PLEC: variants seen among roughly 807,000 people sequenced by gnomAD.
PLEC encodes hemidesmosomal protein 1.
PLEC carries 216 observed loss-of-function variants against 392.8 expected under a neutral mutation model. The observed-to-expected ratio is 0.55, with a 90% CI of 0.49 to 0.62. The LOEUF (loss-of-function observed/expected upper bound fraction) is 0.62, where lower values mean the gene tolerates loss of function less well. Among genes scored for constraint, PLEC ranks in the 20% least tolerant of loss-of-function variants. The pLI is 0.00. For missense variants in PLEC, 6,863 were observed against 6,563.4 expected (o/e 1.05, Z -1.58); for synonymous variants, 3,621 against 2,980.6 (o/e 1.21, Z -7.00).
exon 1 of PLEC, chr8:143,950,290 G>A (rs1199019389): frequency 1.9e-6 from 3 of 1,570,970 alleles, no homozygotes; most frequent in Non-Finnish European, 1.7e-6. Context: ...TCCGACGGTA[G>A]ACCCGCTGCT....
Position 143,934,628 on chromosome 8 carries a change from C to A in PLEC, c.1041+7G>T, listed in dbSNP as rs1554721061. 2 of 1,612,624 alleles carry A rather than the reference C, an allele frequency of 1.2e-6. No individual in the cohort carries two copies. The highest frequency in any genetic ancestry group is 2.2e-5 in the East Asian group (1 of 44,874). On this transcript the variant is annotated splice_region_variant and intron_variant, in intron 10 of 31. Transcript: ENST00000345136. Reference sequence around the variant, plus strand: ...ACACCACCCACCCCTCCAGCGGTCCCACTCACCTCCAGGGATTGGTAGATG... The same window carrying A: ...ACACCACCCACCCCTCCAGCGGTCCAACTCACCTCCAGGGATTGGTAGATG...
At chr8:143,952,249 C>T (rs1228393420), upstream of PLEC, among the ~76,000 whole-genome samples, 3 of 152,180 alleles carry the variant, frequency 2.0e-5, no homozygotes, top group Admixed American at 6.5e-5. Context: ...CCTGCGTACA[C>T]AGAGGTGTGG....
chr8:143,931,902 C>G (rs1362461947), intron 18 of PLEC, 35 bp downstream of exon 18: 1 of 1,567,544 alleles, frequency 6.4e-7, no homozygotes, highest in Admixed American at 1.8e-5. Flanking sequence ...AAGGCTGCCG[C>G]TGAGCCACAG....
At chr8:143,925,954 G>A (rs1306806009) in intron 30 of PLEC, 70 bp from the exon 31 acceptor site, 17 of 1,454,608 alleles carry the variant, frequency 1.2e-5, no homozygotes, top group East Asian at 2.5e-5. Context: ...GACGGGGCAC[G>A]CACCGGCACA....
Position 143,935,923 on chromosome 8 carries a change from T to C in PLEC, c.527A>G (p.Gln176Arg). Residue 176 changes from glutamine to arginine, a missense_variant, in exon 6 of 32, where the codon CAG becomes CGG. Physicochemically the swap from Gln to Arg is conservative, Grantham distance 43. Coordinates refer to ENST00000345136, the MANE Select transcript of PLEC (RefSeq NM_201384.3). The part of the protein sequence containing the change: ...LWSQRMVEGY[Q>R]GLRCDNFTSS... ...GGTGAAGTTGTCGCATCGCAGGCCCTGGTACCCCTCCACCATTCGCTGCGA... is the reference window on the plus strand; with the variant it reads ...GGTGAAGTTGTCGCATCGCAGGCCCCGGTACCCCTCCACCATTCGCTGCGA... 1 of 1,612,952 alleles carries C rather than the reference T, an allele frequency of 6.2e-7. No homozygotes were observed. The highest frequency in any genetic ancestry group is 1.1e-5 in the South Asian group (1 of 91,084).
At chr8:143,966,367 C>T (rs1049585111) in intron 1 of PLEC, among the ~76,000 whole-genome samples, 1 of 152,210 alleles carries the variant, frequency 6.6e-6, no homozygotes, top group Non-Finnish European at 1.5e-5. Flanking sequence ...CCAGCATTTC[C>T]TGCACCTCAG....
In PLEC at chr8:143,921,968, G is replaced by A. The variant is rs1410056401; in HGVS notation, c.7853C>T (p.Ser2618Leu). The A allele has an allele frequency of 1.8e-5, 28 of 1,598,708 alleles. No individual in the cohort carries two copies. Among genetic ancestry groups the A allele is most frequent in the South Asian group, 5.5e-5 (5 of 91,042 alleles). ...ALAHSEEVTA[S>L]QVAATKTLPN... is the part of the protein sequence containing the mutation. The stretch of plus-strand genomic sequence containing the variant: ...CAGGGTCTTTGTGGCAGCCACCTGC[G>A]AGGCAGTGACCTCCTCTGAGTGCGC... The change falls in exon 32 of 32, where the codon TCG (serine) becomes TTG (leucine). Residue 2618 changes from serine to leucine, a missense_variant. By Grantham distance (145) the Ser-to-Leu change is moderately radical. Coordinates refer to ENST00000345136, the MANE Select transcript of PLEC (RefSeq NM_201384.3).
exon 1 of PLEC, chr8:143,950,831 C>T (rs930046768): frequency 2.7e-6 from 4 of 1,486,094 alleles, no homozygotes; most frequent in South Asian, 2.6e-5. Flanking sequence ...GCAGGGCAGG[C>T]GGGCGGGCAG....
chr8:143,927,092 G>A lies in PLEC; in HGVS notation c.3841-11C>T. On this transcript the variant is annotated splice_polypyrimidine_tract_variant and intron_variant, in intron 28 of 31. Transcript: ENST00000345136. ...CTGGAGTTCATAGTCCTGTGGCAATGCACTGCGGTCAGCCACCAGCTCTGC... is the reference window on the plus strand; with the variant it reads ...CTGGAGTTCATAGTCCTGTGGCAATACACTGCGGTCAGCCACCAGCTCTGC... 1 of 1,605,030 alleles carries A rather than the reference G, an allele frequency of 6.2e-7. No homozygotes were observed. Among genetic ancestry groups the A allele is most frequent in the Non-Finnish European group, 8.5e-7 (1 of 1,175,664 alleles).
At position 143,939,565 on chromosome 8, in the gene PLEC, C is replaced by G. The variant is rs551294541; in HGVS notation, c.-104G>C. 1 of 1,528,240 alleles carries G rather than the reference C, an allele frequency of 6.5e-7. No individual in the cohort carries two copies. Among genetic ancestry groups the G allele is most frequent in the Non-Finnish European group, 8.8e-7 (1 of 1,140,250 alleles). The allele number at this position is 1,528,240 out of a possible 1,614,324, so 94.7% of individuals were successfully genotyped here. On this transcript the variant is annotated 5_prime_UTR_variant, in exon 1 of 32. Transcript: ENST00000345136. ...GCTGAAGGCTGGCGGCCCCACGAGA[C>G]GCTCACTCGGCACAGGCTCAGCTCA... is the stretch of plus-strand genomic sequence containing the variant.
At position 143,923,280 on chromosome 8, in the gene PLEC, T is replaced by TGGCCTCCGC. The variant is rs1554691777; in HGVS notation, c.6640_6648dup (p.Ala2214_Ala2216dup). On this transcript the variant is annotated inframe_insertion, in exon 31 of 32. Coordinates refer to ENST00000345136, the MANE Select transcript of PLEC (RefSeq NM_201384.3). Reference sequence around the variant, plus strand: ...TGGCTGCGCTGGCGTGCGGCCTCCGTGGCCTCCGCCTTCAGCCGCTGCAGC... The same window carrying TGGCCTCCGC: ...TGGCTGCGCTGGCGTGCGGCCTCCGTGGCCTCCGCGGCCTCCGCCTTCAGCCGCTGCAGC... 1.2e-6 allele frequency: 2 copies of TGGCCTCCGC among 1,607,188 alleles called. No individual in the cohort carries two copies. The highest frequency in any genetic ancestry group is 1.7e-6 in the Non-Finnish European group (2 of 1,179,648).
rs782107862 is a variant in PLEC at position 143,938,159 on chromosome 8, C to T, written c.256G>A (p.Asp86Asn). ...GGCAGGGGCACACGTACCAGGCTGT[C>T]CCCCGAGAGGACCTCCAGCAGGGAG... is the stretch of plus-strand genomic sequence containing the variant. ...LISLLEVLSG[D>N]SLPREKGRMR... The change falls in exon 3 of 32, where the codon GAC becomes AAC. Residue 86 changes from aspartate (D) to asparagine (N), a missense_variant. Asp to Asn is a conservative substitution (Grantham distance 23, BLOSUM62 1). Transcript: ENST00000345136. The T allele has an allele frequency of 8.7e-6, 14 of 1,604,778 alleles. No individual in the cohort carries two copies. The East Asian group carries it at 2.5e-4, about 28-fold the overall frequency.
chr8:143,916,699 C>T lies in PLEC; in HGVS notation c.13122G>A (p.Leu4374=). 6.2e-7 allele frequency: 1 copy of T among 1,612,680 alleles called. No homozygotes were observed. Among genetic ancestry groups the T allele is most frequent in the South Asian group, 1.1e-5 (1 of 91,076 alleles). The stretch of plus-strand genomic sequence containing the variant: ...CCTCGTAGTAGAGCCAGCCCTTCTT[C>T]AGGGCCTGGGCGGCCGACATCTTGG... ...TKTKMSAAQA[L]KKGWLYYEAG... is the part of the protein sequence containing the mutation. Residue 4374 remains leucine, a synonymous_variant, in exon 32 of 32, where the codon CTG becomes CTA. Coordinates refer to ENST00000345136, the MANE Select transcript of PLEC (RefSeq NM_201384.3).
At position 143,925,538 on chromosome 8, in the gene PLEC, G is replaced by A; in HGVS notation, c.4391C>T (p.Thr1464Ile). 3.1e-6 allele frequency: 5 copies of A among 1,594,912 alleles called. No individual in the cohort carries two copies. The highest frequency in any genetic ancestry group is 4.2e-6 in the Non-Finnish European group (5 of 1,177,898). Residue 1464 changes from threonine (T) to isoleucine (I), a missense_variant, in exon 31 of 32, where the codon ACC becomes ATC. By Grantham distance (89) the Thr-to-Ile change is moderately conservative. Transcript: ENST00000345136. ...IRVVRLQLEA[T>I]ERQRGGAEGE... ...CTCAGCCCCGCCACGCTGGCGCTCG[G>A]TGGCCTCCAACTGCAGGCGCACCAC...
upstream of PLEC, chr8:143,975,201 C>T (rs1554745625): frequency 6.2e-7 from 1 of 1,601,916 alleles, no homozygotes; most frequent in Non-Finnish European, 8.5e-7. The surrounding 1 kb of genome is among the most constrained non-coding windows in gnomAD (Gnocchi z 9.9). Flanking sequence ...ACCGCCCGCT[C>T]AGCTGGGTCC....
At position 143,935,216 on chromosome 8, in the gene PLEC, G is replaced by A. The variant is rs1554722091; in HGVS notation, c.700C>T (p.Arg234Trp). The A allele has an allele frequency of 4.3e-6, 7 of 1,612,564 alleles. No individual in the cohort carries two copies. Among genetic ancestry groups the A allele is most frequent in the South Asian group, 1.1e-5 (1 of 91,082 alleles). Residue 234 changes from arginine to tryptophan, a missense_variant, in exon 7 of 32, where the codon CGG (arginine) becomes TGG (tryptophan). Arg to Trp is a moderately radical substitution (Grantham distance 101, BLOSUM62 -3). Coordinates refer to ENST00000345136, the MANE Select transcript of PLEC (RefSeq NM_201384.3). ...SVAERDLGVT[R>W]LLDPEDVDVP... ...GACGTACCCTCAGGGTCCAGGAGCC[G>A]CGTCACTCCCAGGTCCCGCTCCGCC... is the stretch of plus-strand genomic sequence containing the variant.
chr8:143,925,960 GCA>G, intron 30 of PLEC, 76 bp from the exon 31 acceptor site: 3 of 1,436,270 alleles, frequency 2.1e-6, no homozygotes, highest in Non-Finnish European at 2.8e-6. Context: ...GCACGCACCG[GCA>G]CAGTTCACTC....
In PLEC at chr8:143,939,597, C is replaced by T; in HGVS notation, c.-136G>A. ...TCGGCACAGGCTCAGCTCAGAGCCC[C>T]AGTCGGTGCGGCCACTCCCTGCCTG... On this transcript the variant is annotated 5_prime_UTR_variant, in exon 1 of 32. Transcript: ENST00000345136. The T allele has an allele frequency of 6.7e-7, 1 of 1,493,260 alleles. No individual in the cohort carries two copies. The highest frequency in any genetic ancestry group is 8.9e-7 in the Non-Finnish European group (1 of 1,120,868). 92.5% of individuals were successfully genotyped at this position (1,493,260 alleles called of 1,614,324 possible).
chr8:143,916,180 G>C lies in PLEC; in HGVS notation c.13641C>G (p.Ala4547=), dbSNP rs782535880. The change falls in exon 32 of 32, where the codon GCC becomes GCG. Residue 4547 remains alanine, a synonymous_variant. Coordinates refer to ENST00000345136, the MANE Select transcript of PLEC (RefSeq NM_201384.3). The part of the protein sequence containing the change: ...ASLGGPESAV[A] ...AGCGGGGTGGGCGCAGGCAGCCTCA[G>C]GCCACGGCAGACTCAGGGCCCCCCA... is the stretch of plus-strand genomic sequence containing the variant. The C allele has an allele frequency of 1.1e-3, 1,618 of 1,538,840 alleles. 2 individuals carry two copies. The highest frequency in any genetic ancestry group is 1.3e-3 in the Non-Finnish European group (1,535 of 1,142,668).
Sources: gnomAD v4.1 joint callset for allele counts (sites outside exome capture counted in the v4.1 genomes callset) on GRCh38, gnomAD v4.1.1 for gene constraint, Gnocchi (gnomAD v3.1) non-coding constraint, MANE v1.5 for transcripts, NCBI Gene and HGNC (gene_info 2026-07-23, HGNC 2026-07-21) for gene names.